The following EFNA5 variants were observed in gnomAD, a reference collection of about 807,000 sequenced individuals.
EFNA5 encodes ephrin-A5.
A neutral mutation model predicts 22.9 loss-of-function variants in EFNA5; 5 were observed. The ratio of observed to expected loss-of-function variants is 0.22; its 90% CI spans 0.11 to 0.46. The LOEUF is 0.46. Among genes scored for constraint, EFNA5 ranks in the 20% least tolerant of loss-of-function variants. The probability of loss-of-function intolerance (pLI) is 0.99; values close to 1 mark genes in which losing one functional copy is unlikely to be tolerated. For synonymous variants in EFNA5, 113 were observed against 112.2 expected (o/e 1.01, Z -0.04); for missense variants, 237 against 293.3 (o/e 0.81, Z 1.40).
chr5:107,552,693 T>C (rs1336256309), intron 1 of EFNA5, among the ~76,000 whole-genome samples: 2 of 152,238 alleles, frequency 1.3e-5, no homozygotes, highest in South Asian at 2.1e-4. Context: ...GAGCTCTGTA[T>C]ATTCATGGAG....
intron 1 of EFNA5, among the ~76,000 whole-genome samples, chr5:107,608,567 G>A (rs1367548137): frequency 6.6e-6 from 1 of 152,176 alleles, no homozygotes; most frequent in Non-Finnish European, 1.5e-5. Flanking sequence ...GCATGTCATG[G>A]TGCCGGGAGG....
rs73197089 is a variant in EFNA5 at position 107,517,844 on chromosome 5, T to G, written c.126-90335A>C. ...AACTCATATTTTCATTATAATCTGC[T>G]AAGTATGAACACTATAAAAGCGTTT... On this transcript the variant is annotated intron_variant, in intron 1 of 4. Transcript: ENST00000333274. Among the ~76,000 whole-genome samples, 723 of 152,330 alleles carry G rather than the reference T, an allele frequency of 4.7e-3. 8 individuals are homozygous for G. Among genetic ancestry groups the G allele is most frequent in the African/African-American group, 0.016 (679 of 41,576 alleles).
At chr5:107,387,179 G>A (rs1187356874) in intron 4 of EFNA5, 56 bp downstream of exon 4, 12 of 1,264,408 alleles carry the variant, frequency 9.5e-6, no homozygotes, top group Admixed American at 2.1e-5. Flanking sequence ...AAAAAAATAC[G>A]GAAGCACCAG....
At chr5:107,595,067 T>C (rs932749331) in intron 1 of EFNA5, among the ~76,000 whole-genome samples, 1 of 151,960 alleles carries the variant, frequency 6.6e-6, no homozygotes, top group South Asian at 2.1e-4. Context: ...AAGGAGGAAG[T>C]GGAGTCATTG....
chr5:107,408,663 G>A (rs1278070265), intron 2 of EFNA5, among the ~76,000 whole-genome samples: 1 of 152,126 alleles, frequency 6.6e-6, no homozygotes, highest in East Asian at 1.9e-4. Flanking sequence ...CGTCTGCCTT[G>A]TCATTCTCTT....
At chr5:107,451,581 A>C (rs1401720605) in intron 1 of EFNA5, among the ~76,000 whole-genome samples, 5 of 152,196 alleles carry the variant, frequency 3.3e-5, no homozygotes, top group African/African-American at 9.6e-5. Context: ...ATCTATAAAG[A>C]GAAAACGATG....
At chr5:107,441,415 C>T (rs1290717559) in intron 1 of EFNA5, among the ~76,000 whole-genome samples, 17 of 152,152 alleles carry the variant, frequency 1.1e-4, no homozygotes, top group Non-Finnish European at 2.2e-4. Context: ...GGAAGGATAG[C>T]GTCCTATCTG....
intron 1 of EFNA5, among the ~76,000 whole-genome samples, chr5:107,482,929 C>T (rs1272501647): frequency 6.7e-6 from 1 of 148,376 alleles, no homozygotes. Flanking sequence ...CACACACATA[C>T]ATATGACACT....
chr5:107,443,824 G>A (rs1749325340), intron 1 of EFNA5, among the ~76,000 whole-genome samples: 2 of 152,074 alleles, frequency 1.3e-5, no homozygotes, highest in South Asian at 2.1e-4. Flanking sequence ...ACATGTATAC[G>A]TATGTAACAA....
At chr5:107,430,155 G>A (rs1026402026) in intron 1 of EFNA5, among the ~76,000 whole-genome samples, 4 of 152,188 alleles carry the variant, frequency 2.6e-5, no homozygotes, top group African/African-American at 9.7e-5. Context: ...TTGTCAAGAT[G>A]CAAGGAAAGC....
At chr5:107,610,539 A>G (rs901138889) in intron 1 of EFNA5, among the ~76,000 whole-genome samples, 2 of 152,196 alleles carry the variant, frequency 1.3e-5, no homozygotes, top group African/African-American at 4.8e-5. Flanking sequence ...AAGGCAGACT[A>G]CTTGGGGCCA....
chr5:107,483,508 C>A (rs1458717200), intron 1 of EFNA5, among the ~76,000 whole-genome samples: 1 of 152,096 alleles, frequency 6.6e-6, no homozygotes, highest in African/African-American at 2.4e-5. Context: ...AAGAATAGAG[C>A]CTGGATAAAT....
rs1459029196 is a variant in EFNA5 at position 107,634,343 on chromosome 5, C to T, written c.125+36146G>A. Among the ~76,000 whole-genome samples, 3 of 152,178 alleles carry T rather than the reference C, an allele frequency of 2.0e-5. 1 individual carries two copies. Among genetic ancestry groups the T allele is most frequent in the South Asian group, 4.2e-4 (2 of 4,814 alleles). ...ACCAGCCTGTGCAACCTAGAGAGACCTTGTCTCTACAAAAGATTAGAAAAT... is the reference window on the plus strand; with the variant it reads ...ACCAGCCTGTGCAACCTAGAGAGACTTTGTCTCTACAAAAGATTAGAAAAT... On this transcript the variant is annotated intron_variant, in intron 1 of 4. Transcript: ENST00000333274.
intron 1 of EFNA5, among the ~76,000 whole-genome samples, chr5:107,448,886 C>A (rs1211691948): frequency 1.3e-4 from 12 of 94,564 alleles, no homozygotes; most frequent in South Asian, 3.2e-4. Context: ...AAAATAAAAA[C>A]AAAAATAATC....
chr5:107,404,012 A>G (rs979570591), intron 2 of EFNA5, among the ~76,000 whole-genome samples: 1 of 152,234 alleles, frequency 6.6e-6, no homozygotes, highest in African/African-American at 2.4e-5. Context: ...GCCCAGAATC[A>G]TATAGCTTAT....
chr5:107,476,056 A>ATATATATATATATATATTTTTTTTT (rs1454967869), intron 1 of EFNA5, among the ~76,000 whole-genome samples: 4 of 115,412 alleles, frequency 3.5e-5, no homozygotes, highest in African/African-American at 1.4e-4. Flanking sequence ...CTATATATAT[A>ATATATATATATATATATTTTTTTTT]TTTTTTTTTT....
intron 1 of EFNA5, among the ~76,000 whole-genome samples, chr5:107,605,600 C>G (rs530349498): frequency 2.0e-5 from 3 of 151,466 alleles, no homozygotes; most frequent in Non-Finnish European, 4.4e-5. Flanking sequence ...CCTTCAAACT[C>G]TCAACCCAAA....
At chr5:107,622,604 G>A (rs1750057604) in intron 1 of EFNA5, among the ~76,000 whole-genome samples, 1 of 152,008 alleles carries the variant, frequency 6.6e-6, no homozygotes, top group South Asian at 2.1e-4. Context: ...CTTGCAAATC[G>A]GTTTACCTAC....
chr5:107,580,254 A>G (rs1308868073), intron 1 of EFNA5, among the ~76,000 whole-genome samples: 1 of 152,218 alleles, frequency 6.6e-6, no homozygotes, highest in Admixed American at 6.5e-5. Context: ...GAACATTTTT[A>G]TAATATACAG....
Sources: allele counts gnomAD v4.1 joint callset (sites outside exome capture counted in the v4.1 genomes callset), GRCh38; gene constraint gnomAD v4.1.1; transcripts MANE v1.5; gene names NCBI Gene and HGNC (gene_info 2026-07-23, HGNC 2026-07-21).